The following HRH4 variants were observed in gnomAD, a reference collection of about 807,000 sequenced individuals.
The protein encoded by HRH4 is histamine receptor H4.
Under a neutral mutation model 10.4 loss-of-function variants are expected in HRH4, and 12 were observed. That is an observed-to-expected ratio of 1.15 (90% CI 0.74 to 1.87). The LOEUF is 1.87. Among genes scored for constraint, HRH4 ranks in the 40% most tolerant of loss-of-function variants. HRH4 has a pLI of 0.00. For synonymous variants in HRH4, 154 were observed against 166.6 expected, an observed-to-expected ratio of 0.92 and a Z score of 0.58; for missense variants, 415 against 453.3, an observed-to-expected ratio of 0.92 and a Z score of 0.77.
chr18:24,461,230 A>G (rs628764), intron 1 of HRH4, among the ~76,000 whole-genome samples: 20,764 of 152,124 alleles, frequency 0.14, 1,633 homozygotes, highest in Non-Finnish European at 0.16. Context: ...TATTTTCCTC[A>G]TATGTTTAGG....
intron 1 of HRH4, among the ~76,000 whole-genome samples, chr18:24,465,801 G>A (rs931637740): frequency 6.6e-6 from 1 of 152,164 alleles, no homozygotes; most frequent in African/African-American, 2.4e-5. Context: ...CCTGTCTTCA[G>A]CTAACCACTG....
At position 24,477,240 on chromosome 18, in the gene HRH4, C is replaced by G. The variant is rs58154316; in HGVS notation, c.851C>G (p.Ser284Cys). 6.2e-3 allele frequency: 10,014 copies of G among 1,614,182 alleles called. 541 individuals are homozygous for G. The African/African-American group carries it at 0.12, about 19-fold the overall frequency. ...SKMGSFSQSD[S>C]VALHQREHVE... ...ATGGGTTCCTTCTCCCAATCAGATTCTGTAGCTCTTCACCAAAGGGAACAT... is the reference window on the plus strand; with the variant it reads ...ATGGGTTCCTTCTCCCAATCAGATTGTGTAGCTCTTCACCAAAGGGAACAT... Residue 284 changes from serine (S) to cysteine (C), a missense_variant, in exon 3 of 3, where the codon TCT (serine) becomes TGT (cysteine). Transcript: ENST00000256906.
intron 2 of HRH4, among the ~76,000 whole-genome samples, chr18:24,471,954 C>G (rs775474900): frequency 2.6e-5 from 4 of 152,144 alleles, no homozygotes; most frequent in African/African-American, 7.2e-5. Context: ...GACAGCTTAC[C>G]CAGTTGGGAA....
rs1421126 is a variant in HRH4, at chr18:24,477,774, C to T, written c.*212C>T. ...GTACTATATTCTTCTTAGTCCTCAC[C>T]TCTTCCTTGTCTTTTAGATCTTAAT... is the stretch of plus-strand genomic sequence containing the variant. On this transcript the variant is annotated 3_prime_UTR_variant, in exon 3 of 3. Coordinates refer to ENST00000256906, the MANE Select transcript of HRH4 (RefSeq NM_021624.4). 0.34 allele frequency: 135,051 copies of T among 402,794 alleles called. 24,227 individuals are homozygous for T. The highest frequency in any genetic ancestry group is 0.39 in the Non-Finnish European group (88,774 of 226,994). 25.0% of individuals were successfully genotyped at this position (402,794 alleles called of 1,614,324 possible).
At chr18:24,474,647 T>G (rs759138999) in intron 2 of HRH4, among the ~76,000 whole-genome samples, 2 of 150,438 alleles carry the variant, frequency 1.3e-5, no homozygotes, top group African/African-American at 4.9e-5. Context: ...GAGAGGAAAT[T>G]AAAGAAACAT....
At chr18:24,476,328 A>G (rs1910129670) in intron 2 of HRH4, among the ~76,000 whole-genome samples, 1 of 152,210 alleles carries the variant, frequency 6.6e-6, no homozygotes, top group African/African-American at 2.4e-5. Context: ...CCCTCACTAT[A>G]TGTGATGCAT....
In HRH4 at chr18:24,477,427, T is replaced by C. The variant is rs1405088946; in HGVS notation, c.1038T>C (p.Leu346=). 2 of 1,614,190 alleles carry C rather than the reference T, an allele frequency of 1.2e-6. No individual in the cohort carries two copies. The highest frequency in any genetic ancestry group is 1.1e-5 in the South Asian group (1 of 91,088). ...TTTGGTATAGAATTGCATTTTGGCTTCAGTGGTTCAATTCCTTTGTCAATC... is the reference window on the plus strand; with the variant it reads ...TTTGGTATAGAATTGCATTTTGGCTCCAGTGGTTCAATTCCTTTGTCAATC... ...KSVWYRIAFW[L]QWFNSFVNPL... is the part of the protein sequence containing the mutation. Residue 346 remains leucine (L), a synonymous_variant, in exon 3 of 3, where the codon CTT becomes CTC. Transcript: ENST00000256906.
chr18:24,463,931 G>T (rs546863134), intron 1 of HRH4, among the ~76,000 whole-genome samples: 1 of 152,240 alleles, frequency 6.6e-6, no homozygotes, highest in Non-Finnish European at 1.5e-5. Context: ...GTTTCCATTT[G>T]TGGGTACTTT....
chr18:24,473,129 T>G (rs934029512), intron 2 of HRH4, among the ~76,000 whole-genome samples: 17 of 151,856 alleles, frequency 1.1e-4, no homozygotes, highest in African/African-American at 3.9e-4. Flanking sequence ...CACTCCAGCC[T>G]GGGCGACAGA....
At chr18:24,463,232 A>G (rs746114551) in intron 1 of HRH4, among the ~76,000 whole-genome samples, 7 of 152,218 alleles carry the variant, frequency 4.6e-5, no homozygotes, top group Non-Finnish European at 1.0e-4. Context: ...GATCTCCTCC[A>G]TCAGCAGGTG....
intron 1 of HRH4, among the ~76,000 whole-genome samples, chr18:24,464,329 G>C (rs764630725): frequency 3.3e-5 from 5 of 152,032 alleles, no homozygotes; most frequent in Non-Finnish European, 5.9e-5. Flanking sequence ...AGTGCGCACA[G>C]AGAGAGAGAG....
In HRH4 at chr18:24,476,780, A is replaced by ATC. The variant is rs1910143116; in HGVS notation, c.391_392insTC (p.Lys131IlefsTer6). ...TAGAACTCAACATACTGGGGTCTTG[A>ATC]AGATTGTTACTCTGATGGTGGCCGT... is the stretch of plus-strand genomic sequence containing the variant. On this transcript the variant is annotated frameshift_variant, in exon 3 of 3. Coordinates refer to ENST00000256906, the MANE Select transcript of HRH4 (RefSeq NM_021624.4). LOFTEE classifies it low-confidence loss of function (END_TRUNC). 1.2e-6 allele frequency: 2 copies of ATC among 1,614,016 alleles called. No individual in the cohort carries two copies. Among genetic ancestry groups the ATC allele is most frequent in the African/African-American group, 2.7e-5 (2 of 74,928 alleles).
intron 2 of HRH4, 47 bp downstream of exon 2, chr18:24,468,998 TATATGATGGGTCCTCAAGCA>T (rs748819292): frequency 2.0e-6 from 3 of 1,468,230 alleles, no homozygotes; most frequent in Admixed American, 4.3e-5. Context: ...TATGTAAATG[TATATGATGGGTCCTCAAGCA>T]AAAATTCTTT....
intron 1 of HRH4, among the ~76,000 whole-genome samples, chr18:24,464,334 A>G (rs1909720296): frequency 6.6e-6 from 1 of 152,042 alleles, no homozygotes; most frequent in Non-Finnish European, 1.5e-5. Flanking sequence ...GCACAGAGAG[A>G]GAGAGTGAGC....
rs114694879 is a variant in HRH4, at chr18:24,469,436, C to G, written c.357+485C>G. Reference sequence around the variant, plus strand: ...ACACAGTGGGACCAGCCAGAAAGATCAAGTCCTCATGCCCTTTTAGAACCT... The same window carrying G: ...ACACAGTGGGACCAGCCAGAAAGATGAAGTCCTCATGCCCTTTTAGAACCT... On this transcript the variant is annotated intron_variant, in intron 2 of 2. Transcript: ENST00000256906. Among the ~76,000 whole-genome samples, 626 of 152,310 alleles carry G rather than the reference C, an allele frequency of 4.1e-3. 4 individuals carry two copies. Among genetic ancestry groups the G allele is most frequent in the African/African-American group, 0.014 (575 of 41,564 alleles).
At chr18:24,473,412 C>T (rs1910035125) in intron 2 of HRH4, among the ~76,000 whole-genome samples, 2 of 152,168 alleles carry the variant, frequency 1.3e-5, no homozygotes, top group South Asian at 4.1e-4. Context: ...GCTGACAGGG[C>T]CATCCTTTCT....
chr18:24,476,989 C>G lies in HRH4; in HGVS notation c.600C>G (p.Ser200Arg), dbSNP rs754123121. Residue 200 changes from serine to arginine, a missense_variant, in exon 3 of 3, where the codon AGC becomes AGG. Physicochemically the swap from Ser to Arg is moderately radical, Grantham distance 110. Coordinates refer to ENST00000256906, the MANE Select transcript of HRH4 (RefSeq NM_021624.4). ...ATTTCAACATGAATATTTATTGGAGCCTGTGGAAGCGTGATCATCTCAGTA... is the reference window on the plus strand; with the variant it reads ...ATTTCAACATGAATATTTATTGGAGGCTGTGGAAGCGTGATCATCTCAGTA... ...VAYFNMNIYW[S>R]LWKRDHLSRC... 2.5e-6 allele frequency: 4 copies of G among 1,614,154 alleles called. No individual in the cohort carries two copies. The highest frequency in any genetic ancestry group is 4.5e-5 in the East Asian group (2 of 44,882).
chr18:24,475,785 A>G (rs1362636258), intron 2 of HRH4, among the ~76,000 whole-genome samples: 4 of 152,154 alleles, frequency 2.6e-5, no homozygotes. Flanking sequence ...AGGTGGGCAG[A>G]TCACCTGAGG....
chr18:24,464,241 A>G (rs1481986536), intron 1 of HRH4, among the ~76,000 whole-genome samples: 1 of 152,048 alleles, frequency 6.6e-6, no homozygotes, highest in Non-Finnish European at 1.5e-5. Flanking sequence ...TCTGGCCAAT[A>G]TTGGTTCCTG....
Sources: gnomAD v4.1 joint callset for allele counts (sites outside exome capture counted in the v4.1 genomes callset) on GRCh38, gnomAD v4.1.1 for gene constraint, MANE v1.5 for transcripts, NCBI Gene and HGNC (gene_info 2026-07-23, HGNC 2026-07-21) for gene names.